Variants in PNCK observed in about 807,000 individuals in gnomAD.
The protein encoded by PNCK is calcium/calmodulin-dependent protein kinase type 1B.
PNCK carries 21 observed loss-of-function variants against 28.3 expected under a neutral mutation model. The observed-to-expected ratio is 0.74, with a 90% CI of 0.53 to 1.07. PNCK has a LOEUF of 1.07. PNCK is among the 50% of genes least tolerant of loss of function. The pLI is 0.00. For synonymous variants in PNCK, 136 were observed against 125.2 expected, an observed-to-expected ratio of 1.09 and a Z score of -0.58; for missense variants, 250 against 298.3, an observed-to-expected ratio of 0.84 and a Z score of 1.19.
chrX:153,673,154 C>G, intron 1 of PNCK, 76 bp from the exon 2 acceptor site: 4 of 1,176,272 alleles, frequency 3.4e-6, no homozygotes, highest in Non-Finnish European at 4.6e-6. Context: ...TCCTCCACCC[C>G]CTGCCAGGCA....
upstream of PNCK, among the ~76,000 whole-genome samples, chrX:153,677,885 TATAG>T (rs782083709): frequency 2.3e-3 from 245 of 105,047 alleles, 2 homozygotes; most frequent in African/African-American, 8.2e-3. Flanking sequence ...CCCATGTACA[TATAG>T]ATAGATATGT....
intron 1 of PNCK, among the ~76,000 whole-genome samples, chrX:153,680,695 C>T (rs919518887): frequency 5.5e-4 from 60 of 109,488 alleles, no homozygotes; most frequent in African/African-American, 2.0e-3. Context: ...CCACTGCACT[C>T]CAGCCTGGGC....
chrX:153,681,454 C>G (rs2091395444), intron 1 of PNCK, among the ~76,000 whole-genome samples: 1 of 111,625 alleles, frequency 9.0e-6, no homozygotes, highest in South Asian at 3.8e-4. Flanking sequence ...CCTGATCACC[C>G]CTGAGGCCCA....
intron 1 of PNCK, among the ~76,000 whole-genome samples, chrX:153,683,013 A>T (rs1467724066): frequency 8.9e-6 from 1 of 112,697 alleles, no homozygotes; most frequent in African/African-American, 3.2e-5. Flanking sequence ...GTCCTCCCAA[A>T]GTGCTGGGAT....
intron 1 of PNCK, chrX:153,686,370 G>A (rs2091419531): frequency 1.8e-5 from 2 of 109,692 alleles, no homozygotes; most frequent in East Asian, 2.9e-4. Context: ...CCCTGCCCGC[G>A]GCTCCCAGAG....
intron 8 of PNCK, 31 bp downstream of exon 8, chrX:153,671,037 CCCTTGCATCA>C (rs1211431157): frequency 1.4e-5 from 17 of 1,210,491 alleles, no homozygotes; most frequent in Non-Finnish European, 1.8e-5. Flanking sequence ...GGTCCCCACT[CCCTTGCATCA>C]CCTCCAAGCA....
At chrX:153,684,951 C>CT (rs1368032253) in intron 1 of PNCK, among the ~76,000 whole-genome samples, 1 of 103,568 alleles carries the variant, frequency 9.7e-6, no homozygotes, top group Non-Finnish European at 2.0e-5. Context: ...GGGTGCAGCT[C>CT]TCCCCCCGCC....
At position 153,670,531 on chromosome X, in the gene PNCK, C is replaced by T. The variant is rs1557039309; in HGVS notation, c.958G>A (p.Glu320Lys). Residue 320 changes from glutamate (E) to lysine (K), a missense_variant, in exon 11 of 12, where the codon GAG (glutamate) becomes AAG (lysine). By Grantham distance (56) the Glu-to-Lys change is moderately conservative (BLOSUM62 1). Transcript: ENST00000340888. ...GCCATGCCCTGCTCAGAGGCCCCCTCGCCCTCTGGGATCTGCCCCAGCTTC... is the reference window on the plus strand; with the variant it reads ...GCCATGCCCTGCTCAGAGGCCCCCTTGCCCTCTGGGATCTGCCCCAGCTTC... Reference protein sequence around the residue: ...IRKLGQIPEGEGASEQGMARH... With the variant: ...IRKLGQIPEGKGASEQGMARH... 3.3e-6 allele frequency: 4 copies of T among 1,209,273 alleles called. No homozygotes were observed. The African/African-American group carries it at 5.2e-5, about 16-fold the overall frequency.
chrX:153,674,916 C>T (rs781968977), upstream of PNCK: 1 of 111,739 alleles, frequency 8.9e-6, no homozygotes, highest in Non-Finnish European at 1.9e-5. Context: ...GACCTCAACT[C>T]CCATATATAC....
At chrX:153,672,368 C>T (rs1443392487) in intron 3 of PNCK, 168 bp from the exon 4 acceptor site, 48 of 843,537 alleles carry the variant, frequency 5.7e-5, no homozygotes, top group Middle Eastern at 4.1e-4. Flanking sequence ...GCCTGAGCCC[C>T]GGCCTTCCTT....
intron 1 of PNCK, among the ~76,000 whole-genome samples, chrX:153,685,081 C>T (rs1196975015): frequency 9.6e-6 from 1 of 103,887 alleles, no homozygotes; most frequent in Non-Finnish European, 2.0e-5. Flanking sequence ...ATGCTCGGAA[C>T]CCCCCTTCAG....
At chrX:153,677,554 T>C (rs183279220), upstream of PNCK, among the ~76,000 whole-genome samples, 1 of 101,522 alleles carries the variant, frequency 9.9e-6, no homozygotes, top group South Asian at 4.3e-4. Context: ...TGTATATATA[T>C]ATAGTGTGTA....
chrX:153,679,572 T>TTTTC (rs1569539005), upstream of PNCK, among the ~76,000 whole-genome samples: 6 of 89,224 alleles, frequency 6.7e-5, no homozygotes, highest in African/African-American at 1.8e-4. Context: ...TTTTCTTTTT[T>TTTTC]TTTTTTTTTT....
At chrX:153,680,698 G>C (rs929601753) in intron 1 of PNCK, among the ~76,000 whole-genome samples, 2 of 109,874 alleles carry the variant, frequency 1.8e-5, no homozygotes, top group African/African-American at 3.3e-5. Context: ...CTGCACTCCA[G>C]CCTGGGCAAC....
At chrX:153,685,043 C>T (rs1557042967) in intron 1 of PNCK, among the ~76,000 whole-genome samples, 1 of 100,597 alleles carries the variant, frequency 9.9e-6, no homozygotes, top group Admixed American at 1.1e-4. Flanking sequence ...GGGCACAGGT[C>T]GCAGGGCACC....
chrX:153,674,273 C>T (rs5987128), upstream of PNCK: 124,710 of 1,066,815 alleles, frequency 0.12, 5,248 homozygotes, highest in South Asian at 0.15. Context: ...TAATCCCTCA[C>T]CCTCGCTTTC....
rs782584908 is a variant in PNCK at position 153,672,369 on chromosome X, G to A, written c.201-169C>T. ...AAGGCAGAGCTCCAGCCTGAGCCCC[G>A]GCCTTCCTTCTAAAGCCCATTTGAA... On this transcript the variant is annotated intron_variant, in intron 3 of 11. Coordinates refer to ENST00000340888, the MANE Select transcript of PNCK (RefSeq NM_001366977.1). The A allele has an allele frequency of 1.1e-4, 95 of 844,445 alleles. No homozygotes were observed. The South Asian group carries it at 1.9e-3, about 17-fold the overall frequency. 69.6% of individuals were successfully genotyped at this position (844,445 alleles called of 1,213,427 possible).
At position 153,673,394 on chromosome X, in the gene PNCK, G is replaced by A. The variant is rs1264857433; in HGVS notation, c.-2-316C>T. ...TCCAGAAGGCTCCATGCTCACCCAC[G>A]CCGTCCCTCCCCCATCCACACATCT... is the stretch of plus-strand genomic sequence containing the variant. On this transcript the variant is annotated intron_variant, in intron 1 of 11. Coordinates refer to ENST00000340888, the MANE Select transcript of PNCK (RefSeq NM_001366977.1). The A allele has an allele frequency of 3.5e-5, 30 of 845,269 alleles. No homozygotes were observed. The African/African-American group carries it at 5.3e-4, about 15-fold the overall frequency. 69.7% of individuals were successfully genotyped at this position (845,269 alleles called of 1,213,427 possible).
At chrX:153,672,757 GGA>G (rs1557040450) in intron 2 of PNCK, 60 bp from the exon 3 acceptor site, 3 of 1,142,928 alleles carry the variant, frequency 2.6e-6, no homozygotes, top group African/African-American at 3.5e-5. Context: ...GAGGCAGGAG[GGA>G]GAGAGAGTGG....
Sources: gnomAD v4.1 joint callset for allele counts (sites outside exome capture counted in the v4.1 genomes callset) on GRCh38, gnomAD v4.1.1 for gene constraint, MANE v1.5 for transcripts, NCBI Gene and HGNC (gene_info 2026-07-23, HGNC 2026-07-21) for gene names.